STK17B: variants seen among roughly 807,000 people sequenced by gnomAD.
The protein encoded by STK17B is serine/threonine-protein kinase 17B.
Under a neutral mutation model 42.0 loss-of-function variants are expected in STK17B, and 21 were observed. The observed-to-expected ratio is 0.50, with a 90% CI of 0.35 to 0.72. The LOEUF is 0.72. STK17B is among the 30% of genes least tolerant of loss of function. The pLI is 0.00. For synonymous variants in STK17B, 143 were observed against 148.4 expected, an observed-to-expected ratio of 0.96 and a Z score of 0.26; for missense variants, 349 against 446.0, an observed-to-expected ratio of 0.78 and a Z score of 1.96.
intron 3 of STK17B, among the ~76,000 whole-genome samples, chr2:196,148,520 A>G (rs1240362605): frequency 1.3e-5 from 2 of 152,230 alleles, no homozygotes; most frequent in Non-Finnish European, 2.9e-5. Context: ...CTCTTAGAAT[A>G]TATTTTTTGT....
intron 3 of STK17B, among the ~76,000 whole-genome samples, chr2:196,147,289 C>T (rs1699589970): frequency 8.7e-6 from 1 of 115,090 alleles, no homozygotes; most frequent in African/African-American, 3.1e-5. Context: ...CTGCTACAAC[C>T]ACATCAAGAA....
intron 3 of STK17B, among the ~76,000 whole-genome samples, chr2:196,150,901 T>G (rs1699656922): frequency 1.3e-5 from 2 of 152,204 alleles, no homozygotes; most frequent in Non-Finnish European, 2.9e-5. Flanking sequence ...GTTTTAAAAA[T>G]CAAATGAGAA....
At chr2:196,172,236 C>G (rs1384850315), upstream of STK17B, among the ~76,000 whole-genome samples, 1 of 150,456 alleles carries the variant, frequency 6.6e-6, no homozygotes. Context: ...GGCTGAATAG[C>G]CGATTTTGCA....
Position 196,156,467 on chromosome 2 carries a change from T to C in STK17B, c.307A>G (p.Thr103Ala), listed in dbSNP as rs1283844693. 2 of 1,613,772 alleles carry C rather than the reference T, an allele frequency of 1.2e-6. No homozygotes were observed. The highest frequency in any genetic ancestry group is 1.6e-4 in the Middle Eastern group (1 of 6,080). Residue 103 changes from threonine (T) to alanine (A), a missense_variant, in exon 3 of 8, where the codon ACA (threonine) becomes GCA (alanine). Thr to Ala is a moderately conservative substitution (Grantham distance 58). Around this residue, in one of 3 missense-constraint regions of STK17B, gnomAD observed 256 missense variants for 347.7 expected, o/e 0.74. Coordinates refer to ENST00000263955, the MANE Select transcript of STK17B (RefSeq NM_004226.4). ...TCCAATATCAAAATGATTTCACTTG[T>C]ATTTTCATAGACCTCATGAAGATTA... The part of the protein sequence containing the change: ...VINLHEVYEN[T>A]SEIILILEYA...
At chr2:196,155,838 T>C (rs1287136374) in intron 3 of STK17B, among the ~76,000 whole-genome samples, 15 of 152,200 alleles carry the variant, frequency 9.9e-5, no homozygotes, top group Admixed American at 8.5e-4. Context: ...AACTGTAGAA[T>C]ACTGGGGGTG....
At chr2:196,164,149 T>C (rs1039578891) in intron 1 of STK17B, among the ~76,000 whole-genome samples, 20 of 152,098 alleles carry the variant, frequency 1.3e-4, no homozygotes, top group African/African-American at 4.8e-4. Context: ...TATTTTCACA[T>C]GGCTAAAGAA....
chr2:196,154,226 C>CCAT (rs1699707893), intron 3 of STK17B: 1 of 147,308 alleles, frequency 6.8e-6, no homozygotes, highest in African/African-American at 2.6e-5. Context: ...GAGCAAGACT[C>CCAT]CAACAACAAC....
At position 196,137,364 on chromosome 2, in the gene STK17B, CA is replaced by C. The variant is rs1236245161; in HGVS notation, c.*82del. 3.6e-6 allele frequency: 5 copies of C among 1,398,060 alleles called. No individual in the cohort carries two copies. The highest frequency in any genetic ancestry group is 3.9e-6 in the Non-Finnish European group (4 of 1,030,610). The allele number at this position is 1,398,060 out of a possible 1,614,324, so 86.6% of individuals were successfully genotyped here. The stretch of plus-strand genomic sequence containing the variant: ...AAGTGCATTTACAATATAAACATGT[CA>C]TATATGAAGCTACAAATCATAATCT... On this transcript the variant is annotated 3_prime_UTR_variant, in exon 8 of 8. Transcript: ENST00000263955.
At chr2:196,164,073 T>TAAATAAAGAAAG (rs1553625322) in intron 1 of STK17B, among the ~76,000 whole-genome samples, 8 of 150,420 alleles carry the variant, frequency 5.3e-5, no homozygotes, top group African/African-American at 1.7e-4. Context: ...AATAAATAAA[T>TAAATAAAGAAAG]AAAGTTATAG....
intron 1 of STK17B, among the ~76,000 whole-genome samples, chr2:196,166,476 G>A (rs1300110875): frequency 6.6e-6 from 1 of 151,746 alleles, no homozygotes; most frequent in Non-Finnish European, 1.5e-5. Context: ...ATTTTATCAG[G>A]TTATAGCATT....
intron 4 of STK17B, among the ~76,000 whole-genome samples, chr2:196,144,512 A>C (rs775097756): frequency 0.076 from 8,986 of 118,126 alleles, 715 homozygotes; most frequent in African/African-American, 0.19. Flanking sequence ...AAAAAAAAAA[A>C]AAAAAAAAAA....
upstream of STK17B, among the ~76,000 whole-genome samples, chr2:196,171,745 G>T (rs1575191118): frequency 6.7e-6 from 1 of 149,810 alleles, no homozygotes; most frequent in Non-Finnish European, 1.5e-5. Context: ...GAGAGGGTGC[G>T]GCGCCTGGCT....
At chr2:196,157,048 C>T (rs1305918203) in intron 2 of STK17B, among the ~76,000 whole-genome samples, 1 of 151,850 alleles carries the variant, frequency 6.6e-6, no homozygotes, top group Non-Finnish European at 1.5e-5. Flanking sequence ...GCCTGTAATC[C>T]CAGCTACACA....
At chr2:196,167,128 A>G (rs536709420) in intron 1 of STK17B, among the ~76,000 whole-genome samples, 3 of 152,334 alleles carry the variant, frequency 2.0e-5, no homozygotes, top group East Asian at 1.9e-4. Context: ...CACATCCTTC[A>G]AAACTCAACA....
At chr2:196,151,062 A>G (rs1356765481) in intron 3 of STK17B, among the ~76,000 whole-genome samples, 1 of 152,232 alleles carries the variant, frequency 6.6e-6, no homozygotes, top group Non-Finnish European at 1.5e-5. Flanking sequence ...ATGTTTTGTT[A>G]CAGTCTCCAT....
rs140577722 is a variant in STK17B, at chr2:196,142,450, G to A, written c.607+1110C>T. On this transcript the variant is annotated intron_variant, in intron 5 of 7. Coordinates refer to ENST00000263955, the MANE Select transcript of STK17B (RefSeq NM_004226.4). ...AATTAATTTTCTGCTGTCTTCACTT[G>A]CCAAAAAAAAAAGTGCAAAATAAAT... Among the ~76,000 whole-genome samples the A allele has an allele frequency of 6.5e-3, 990 of 151,218 alleles. 9 individuals are homozygous for A. The highest frequency in any genetic ancestry group is 0.023 in the African/African-American group (942 of 41,222).
At position 196,135,546 on chromosome 2, in the gene STK17B, G is replaced by A. The variant is rs1699386534; in HGVS notation, c.*1901C>T. On this transcript the variant is annotated 3_prime_UTR_variant, in exon 8 of 8. Coordinates refer to ENST00000263955, the MANE Select transcript of STK17B (RefSeq NM_004226.4). ...TAATCCCAGCACTTTGGGAGGCCGA[G>A]GCGGGTGGATCACTTGAAGTCAGGA... The A allele has an allele frequency of 6.6e-6, 1 of 152,224 alleles. No homozygotes were observed. The highest frequency in any genetic ancestry group is 1.5e-5 in the Non-Finnish European group (1 of 68,060). The allele number at this position is 152,224 out of a possible 1,614,324, so 9.4% of individuals were successfully genotyped here. A position where few individuals can be genotyped will look rare whatever the true frequency, so the allele number is the denominator to read the frequency against.
chr2:196,174,481 C>T (rs918621621), upstream of STK17B: 1 of 152,330 alleles, frequency 6.6e-6, no homozygotes, highest in Admixed American at 6.5e-5. Flanking sequence ...ACTGACACAC[C>T]CTCCTTCTGA....
At chr2:196,167,588 A>C (rs1280849540) in intron 1 of STK17B, among the ~76,000 whole-genome samples, 1 of 152,258 alleles carries the variant, frequency 6.6e-6, no homozygotes, top group Non-Finnish European at 1.5e-5. Context: ...AAAGTCTGGA[A>C]ACACAGATAA....
Sources: allele counts gnomAD v4.1 joint callset (sites outside exome capture counted in the v4.1 genomes callset), GRCh38; gene constraint gnomAD v4.1.1; regional missense constraint gnomAD v4.1.1; transcripts MANE v1.5; gene names NCBI Gene and HGNC (gene_info 2026-07-23, HGNC 2026-07-21).